Variants in PCDHGA7 observed in about 807,000 individuals in gnomAD.
PCDHGA7 encodes protocadherin gamma subfamily A, 7.
In PCDHGA7, 44 loss-of-function variants were observed where a neutral mutation model predicts 58.3. That is an observed-to-expected ratio of 0.75 (90% CI 0.59 to 0.97). PCDHGA7 has a LOEUF of 0.97. Ranked by LOEUF, PCDHGA7 falls within the 50% of genes least tolerant of loss-of-function variation. PCDHGA7 has a pLI of 0.00. For missense variants in PCDHGA7, 1,266 were observed against 1,188.7 expected (o/e 1.06, Z -0.96); for synonymous variants, 516 against 504.2 (o/e 1.02, Z -0.31).
chr5:141,394,322 G>T (rs1438978424), intron 1 of PCDHGA7: 3 of 1,613,960 alleles, frequency 1.9e-6, no homozygotes, highest in Non-Finnish European at 1.7e-6. Context: ...CCCTGTCCTC[G>T]TATATCTCCA....
At chr5:141,403,099 C>G in intron 1 of PCDHGA7, 5 of 1,614,056 alleles carry the variant, frequency 3.1e-6, no homozygotes, top group Non-Finnish European at 4.2e-6. Context: ...GCAACATCTC[C>G]AAGGACCTGG....
intron 1 of PCDHGA7, chr5:141,423,696 T>A: frequency 4.0e-6 from 6 of 1,492,822 alleles, no homozygotes; most frequent in Non-Finnish European, 5.3e-6. Flanking sequence ...ATTGTTGGTG[T>A]CTTGGCACAA....
At chr5:141,444,129 T>C (rs897901109) in intron 1 of PCDHGA7, among the ~76,000 whole-genome samples, 3 of 147,096 alleles carry the variant, frequency 2.0e-5, no homozygotes, top group African/African-American at 5.0e-5. Context: ...TCTCAACAGA[T>C]ATGTGTCACT....
At position 141,384,943 on chromosome 5, in the gene PCDHGA7, G is replaced by T; in HGVS notation, c.2044G>T (p.Asp682Tyr). ...CGACCTGGGCAGCCTTGAGCCCTCC[G>T]ACGGTCCTTACAACTATGACCTCAC... ...LADLGSLEPSDGPYNYDLTLY... is the reference protein window; with the variant it reads ...LADLGSLEPSYGPYNYDLTLY... Residue 682 changes from aspartate to tyrosine, a missense_variant, in exon 1 of 4, where the codon GAC becomes TAC. Coordinates refer to ENST00000518325, the MANE Select transcript of PCDHGA7 (RefSeq NM_018920.4). 1 of 1,613,996 alleles carries T rather than the reference G, an allele frequency of 6.2e-7. No homozygotes were observed. Among genetic ancestry groups the T allele is most frequent in the Non-Finnish European group, 8.5e-7 (1 of 1,180,002 alleles).
Position 141,487,306 on chromosome 5 carries a change from ACT to A in PCDHGA7, c.2425-7496_2425-7495del. 1 of 1,613,414 alleles carries A rather than the reference ACT, an allele frequency of 6.2e-7. No individual in the cohort carries two copies. The highest frequency in any genetic ancestry group is 8.5e-7 in the Non-Finnish European group (1 of 1,179,874). ...TCTCCTTTGGCTCATTCGTGGCACT[ACT>A]CTCTAAGTGTCTTCGTGGGGCAGCC... On this transcript the variant is annotated intron_variant, in intron 1 of 3. Coordinates refer to ENST00000518325, the MANE Select transcript of PCDHGA7 (RefSeq NM_018920.4). The surrounding 1 kb of genome is among the most constrained non-coding windows in gnomAD (Gnocchi z 5.0).
intron 1 of PCDHGA7, chr5:141,413,439 G>A (rs747331348): frequency 1.1e-4 from 179 of 1,613,988 alleles, no homozygotes; most frequent in Non-Finnish European, 1.4e-4. Flanking sequence ...GCGGCAGCTT[G>A]ATCACCGCGG....
At chr5:141,403,662 A>T in intron 1 of PCDHGA7, 1 of 1,613,902 alleles carries the variant, frequency 6.2e-7, no homozygotes, top group Non-Finnish European at 8.5e-7. Context: ...GATACAAATG[A>T]TAATGCCCCG....
intron 1 of PCDHGA7, chr5:141,396,327 A>C (rs1370175057): frequency 6.6e-6 from 1 of 152,430 alleles, no homozygotes; most frequent in Non-Finnish European, 1.5e-5. Flanking sequence ...CTCTAAAAAA[A>C]CTATTATTAG....
intron 1 of PCDHGA7, among the ~76,000 whole-genome samples, chr5:141,435,652 G>C (rs978809372): frequency 6.6e-6 from 1 of 152,108 alleles, no homozygotes; most frequent in Non-Finnish European, 1.5e-5. Context: ...TTTCTGAAAC[G>C]TGCACAGATT....
intron 1 of PCDHGA7, chr5:141,410,318 G>A: frequency 6.2e-7 from 1 of 1,613,982 alleles, no homozygotes; most frequent in Non-Finnish European, 8.5e-7. Flanking sequence ...CTTCCTCCTC[G>A]CCGTGATTCT....
chr5:141,403,775 G>A (rs760589412), intron 1 of PCDHGA7: 2 of 1,613,866 alleles, frequency 1.2e-6, no homozygotes, highest in Admixed American at 1.7e-5. Context: ...GGGAATCAAC[G>A]GAAAAGTGGC....
intron 1 of PCDHGA7, chr5:141,399,667 C>T (rs752195462): frequency 1.2e-6 from 2 of 1,613,634 alleles, no homozygotes; most frequent in Non-Finnish European, 8.5e-7. Context: ...GTTCGCGCAG[C>T]GCGCCTTTGA....
At chr5:141,428,100 G>A (rs1313410784) in intron 1 of PCDHGA7, 6 of 1,608,582 alleles carry the variant, frequency 3.7e-6, no homozygotes, top group East Asian at 2.2e-5. Context: ...GTCCTACCAC[G>A]TGCTGCAGGC....
chr5:141,465,893 C>T (rs926928579), intron 1 of PCDHGA7, among the ~76,000 whole-genome samples: 23 of 152,078 alleles, frequency 1.5e-4, no homozygotes, highest in Middle Eastern at 3.4e-3. Context: ...GAGGCCGAGG[C>T]GGGCAAATCA....
At chr5:141,418,418 G>C (rs1366605966) in intron 1 of PCDHGA7, 1 of 1,613,998 alleles carries the variant, frequency 6.2e-7, no homozygotes, top group East Asian at 2.2e-5. Flanking sequence ...AGACAATCCT[G>C]ATGGTGGCAA....
At chr5:141,460,087 A>T (rs2098981724) in intron 1 of PCDHGA7, among the ~76,000 whole-genome samples, 1 of 152,008 alleles carries the variant, frequency 6.6e-6, no homozygotes, top group African/African-American at 2.4e-5. Flanking sequence ...AAAAAATAAT[A>T]ATTATACATG....
At chr5:141,409,687 C>A (rs1190888512) in intron 1 of PCDHGA7, 2 of 1,613,202 alleles carry the variant, frequency 1.2e-6, no homozygotes, top group East Asian at 4.5e-5. Context: ...TGGCGAGTGA[C>A]CTAGAGCCCC....
At chr5:141,484,966 G>A in intron 1 of PCDHGA7, 1 of 583,968 alleles carries the variant, frequency 1.7e-6, no homozygotes. Context: ...GAGCCCGGGA[G>A]CCGCTGTCTG....
intron 1 of PCDHGA7, among the ~76,000 whole-genome samples, chr5:141,438,615 TATATATATATATATATATATACACACAC>T (rs2098021754): frequency 1.1e-4 from 4 of 35,920 alleles, no homozygotes; most frequent in Non-Finnish European, 1.8e-4. Flanking sequence ...TATATATATA[TATATATATATATATATATATACACACAC>T]ACACACACAT....
Sources: gnomAD v4.1 joint callset for allele counts (sites outside exome capture counted in the v4.1 genomes callset) on GRCh38, gnomAD v4.1.1 for gene constraint, Gnocchi (gnomAD v3.1) non-coding constraint, MANE v1.5 for transcripts, NCBI Gene and HGNC (gene_info 2026-07-23, HGNC 2026-07-21) for gene names.